The following ST3GAL3 variants were observed in gnomAD, a reference collection of about 807,000 sequenced individuals.
ST3GAL3 encodes the protein CMP-N-acetylneuraminate-beta-1,4-galactoside alpha-2,3-sialyltransferase.
ST3GAL3 carries 21 observed loss-of-function variants against 50.1 expected under a neutral mutation model. The ratio of observed to expected loss-of-function variants is 0.42; its 90% CI spans 0.30 to 0.60. The LOEUF (loss-of-function observed/expected upper bound fraction) is 0.60. ST3GAL3 is among the 20% of genes least tolerant of loss of function. The probability of loss-of-function intolerance (pLI) is 0.19; values close to 1 mark genes in which losing one functional copy is unlikely to be tolerated. For missense variants in ST3GAL3, 353 were observed against 489.4 expected (o/e 0.72, Z 2.63); for synonymous variants, 183 against 190.0 (o/e 0.96, Z 0.30).
At chr1:43,904,344 G>T (rs2078783825) in intron 9 of ST3GAL3, among the ~76,000 whole-genome samples, 1 of 152,058 alleles carries the variant, frequency 6.6e-6, no homozygotes. Flanking sequence ...CTCTGTCCTG[G>T]GAGACTCAGT....
intron 2 of ST3GAL3, among the ~76,000 whole-genome samples, chr1:43,747,920 G>A (rs1684485793): frequency 6.6e-6 from 1 of 151,986 alleles, no homozygotes; most frequent in South Asian, 2.1e-4. Context: ...ACGTATGCAG[G>A]ATTGACTAAA....
chr1:43,897,276 G>A (rs980971974), intron 6 of ST3GAL3, among the ~76,000 whole-genome samples: 1 of 152,066 alleles, frequency 6.6e-6, no homozygotes, highest in Non-Finnish European at 1.5e-5. Context: ...TTATTAAGAT[G>A]CTCTCCATTG....
At chr1:43,843,836 A>G (rs1271227341) in intron 5 of ST3GAL3, among the ~76,000 whole-genome samples, 1 of 152,188 alleles carries the variant, frequency 6.6e-6, no homozygotes, top group African/African-American at 2.4e-5. Context: ...CTATAATTCA[A>G]TTCAATTCTG....
chr1:43,926,885 A>C (rs1208524437), intron 11 of ST3GAL3, among the ~76,000 whole-genome samples: 1 of 152,172 alleles, frequency 6.6e-6, no homozygotes, highest in Non-Finnish European at 1.5e-5. Context: ...TTACGAGTAC[A>C]GAGGATAATA....
chr1:43,768,786 C>G (rs568206861), intron 2 of ST3GAL3, among the ~76,000 whole-genome samples: 1 of 152,200 alleles, frequency 6.6e-6, no homozygotes, highest in Non-Finnish European at 1.5e-5. Context: ...GAACTTCAAA[C>G]CCAGAGGGCT....
chr1:43,923,037 C>T (rs1484506379), intron 11 of ST3GAL3, among the ~76,000 whole-genome samples: 5 of 151,816 alleles, frequency 3.3e-5, no homozygotes, highest in East Asian at 1.9e-4. Context: ...TGCAGTGAAC[C>T]GAGATCACAC....
At chr1:43,733,393 A>G (rs563871145) in intron 1 of ST3GAL3, among the ~76,000 whole-genome samples, 29 of 152,216 alleles carry the variant, frequency 1.9e-4, no homozygotes, top group Non-Finnish European at 2.9e-4. Flanking sequence ...TAAGCATGCT[A>G]ACAGCTGTAT....
At chr1:43,801,491 T>C (rs1172190546) in intron 3 of ST3GAL3, 3 of 410,794 alleles carry the variant, frequency 7.3e-6, no homozygotes, top group Admixed American at 2.7e-5. Context: ...TCTTTTGTCC[T>C]GGAACAGGAT....
chr1:43,912,070 C>G (rs1005139682), intron 9 of ST3GAL3: 3 of 152,032 alleles, frequency 2.0e-5, no homozygotes, highest in African/African-American at 7.2e-5. Context: ...GTCCTTGGCC[C>G]AACAATGTTA....
chr1:43,851,155 C>G, intron 5 of ST3GAL3: 2 of 1,330,630 alleles, frequency 1.5e-6, no homozygotes, highest in South Asian at 2.3e-5. Flanking sequence ...TGATCAGCTT[C>G]GGGTGGAAGA....
At chr1:43,817,560 T>TC (rs2061448608) in intron 4 of ST3GAL3, among the ~76,000 whole-genome samples, 3 of 52,912 alleles carry the variant, frequency 5.7e-5, no homozygotes, top group African/African-American at 1.9e-4. Context: ...TTCTTCTCCT[T>TC]CTTCCTTCTT....
chr1:43,899,793 C>T lies in ST3GAL3; in HGVS notation c.744+66C>T, dbSNP rs75600536. The T allele has an allele frequency of 2.0e-3, 2,898 of 1,455,788 alleles. 46 individuals carry two copies. In the African/African-American group the frequency reaches 0.036, roughly 18 times the overall value. 90.2% of individuals were successfully genotyped at this position (1,455,788 alleles called of 1,614,324 possible). ...GGCTTCCGCAACTCCTAAGCAATCC[C>T]GCCCCTTGAATGCAGCAAAGAACGA... On this transcript the variant is annotated intron_variant, in intron 9 of 11. Coordinates refer to ENST00000347631, the MANE Select transcript of ST3GAL3 (RefSeq NM_006279.5). This position sits in a 1 kb window ranked among gnomAD's most constrained non-coding sequence, Gnocchi z 5.4.
intron 5 of ST3GAL3, among the ~76,000 whole-genome samples, chr1:43,844,696 G>A (rs933649497): frequency 5.3e-5 from 8 of 152,028 alleles, no homozygotes; most frequent in Admixed American, 2.6e-4. Flanking sequence ...CTACGGTGGC[G>A]GGCGCCTGTA....
At chr1:43,867,545 A>G (rs369990311) in intron 5 of ST3GAL3, among the ~76,000 whole-genome samples, 2 of 152,222 alleles carry the variant, frequency 1.3e-5, no homozygotes, top group East Asian at 3.8e-4. Flanking sequence ...AGTTATCAGC[A>G]CATAGATGAA....
At chr1:43,718,039 A>AT (rs1011658115) in intron 1 of ST3GAL3, among the ~76,000 whole-genome samples, 1 of 149,470 alleles carries the variant, frequency 6.7e-6, no homozygotes, top group Non-Finnish European at 1.5e-5. Flanking sequence ...CACCCGGCTA[A>AT]TTTTTGTATT....
At chr1:43,775,233 ATT>A (rs60327798) in intron 2 of ST3GAL3, among the ~76,000 whole-genome samples, 14 of 142,282 alleles carry the variant, frequency 9.8e-5, no homozygotes, top group African/African-American at 2.8e-4. Context: ...GGAAATCTGA[ATT>A]TTTTTTTTTT....
At chr1:43,866,840 T>C (rs1016668112) in intron 5 of ST3GAL3, among the ~76,000 whole-genome samples, 1 of 152,050 alleles carries the variant, frequency 6.6e-6, no homozygotes, top group Non-Finnish European at 1.5e-5. Context: ...CTTAAAGATA[T>C]GGGAAATTAG....
intron 1 of ST3GAL3, 119 bp downstream of exon 1, chr1:43,707,812 G>C (rs1221963287): frequency 6.6e-6 from 1 of 152,102 alleles, no homozygotes; most frequent in Non-Finnish European, 1.5e-5. Context: ...CGCGGAGCCC[G>C]CGCGCTAGTG....
chr1:43,861,194 T>A lies in ST3GAL3; in HGVS notation c.302+22883T>A, dbSNP rs555234778. ...CAACTTTGCTACTTTGCTAGCTGTATAACCTTGGACAAGCCCTTAGTCATG... is the reference window on the plus strand; with the variant it reads ...CAACTTTGCTACTTTGCTAGCTGTAAAACCTTGGACAAGCCCTTAGTCATG... On this transcript the variant is annotated intron_variant, in intron 5 of 11. Coordinates refer to ENST00000347631, the MANE Select transcript of ST3GAL3 (RefSeq NM_006279.5). Among the ~76,000 whole-genome samples, 241 of 152,246 alleles carry A rather than the reference T, an allele frequency of 1.6e-3. 1 individual carries two copies. Among genetic ancestry groups the A allele is most frequent in the Non-Finnish European group, 3.0e-3 (207 of 68,046 alleles).
Sources: allele counts gnomAD v4.1 joint callset (sites outside exome capture counted in the v4.1 genomes callset), GRCh38; gene constraint gnomAD v4.1.1; non-coding constraint Gnocchi (gnomAD v3.1); transcripts MANE v1.5; gene names NCBI Gene and HGNC (gene_info 2026-07-23, HGNC 2026-07-21).